MAF: variants seen among roughly 807,000 people sequenced by gnomAD.
MAF encodes the protein MAF bZIP transcription factor, also known as transcription factor Maf.
In MAF, 10 loss-of-function variants were observed where a neutral mutation model predicts 22.0. The observed-to-expected ratio is 0.45, with a 90% CI of 0.28 to 0.77. The LOEUF (loss-of-function observed/expected upper bound fraction) is 0.77. Among genes scored for constraint, MAF ranks in the 30% least tolerant of loss-of-function variants. The pLI is 0.12. For missense variants in MAF, 544 were observed against 548.4 expected (o/e 0.99, Z 0.08); for synonymous variants, 337 against 255.8 (o/e 1.32, Z -3.03).
chr16:79,292,312 T>A, the MAF span, among the ~76,000 whole-genome samples: 1 of 152,154 alleles, frequency 6.6e-6, no homozygotes, highest in South Asian at 2.1e-4. Context: ...CATGTAATGA[T>A]AGAAGCAGAG....
the MAF span, among the ~76,000 whole-genome samples, chr16:79,304,947 G>A: frequency 1.3e-5 from 2 of 152,204 alleles, no homozygotes; most frequent in East Asian, 1.9e-4. Context: ...GGAGTTTCTA[G>A]AACCACCAGC....
the MAF span, among the ~76,000 whole-genome samples, chr16:79,578,959 C>G: frequency 6.6e-6 from 1 of 152,126 alleles, no homozygotes; most frequent in African/African-American, 2.4e-5. Context: ...GGGAGGGACC[C>G]TTCCAGTAAC....
At chr16:79,589,329 G>A (rs143643045), downstream of MAF, among the ~76,000 whole-genome samples, 180 of 152,290 alleles carry the variant, frequency 1.2e-3, no homozygotes, top group Non-Finnish European at 2.1e-3. Context: ...TCCTCATAAA[G>A]TTTGCTTGAC....
At chr16:79,260,963 C>A in the MAF span, among the ~76,000 whole-genome samples, 1 of 152,038 alleles carries the variant, frequency 6.6e-6, no homozygotes, top group South Asian at 2.1e-4. Flanking sequence ...TCAGGCAATA[C>A]CCTGGGGTGT....
the MAF span, among the ~76,000 whole-genome samples, chr16:79,484,924 G>GT: frequency 6.6e-6 from 1 of 152,222 alleles, no homozygotes; most frequent in East Asian, 1.9e-4. Context: ...TTTAGAACCA[G>GT]GCAGATCTGG....
the MAF span, among the ~76,000 whole-genome samples, chr16:79,467,283 G>A: frequency 2.5e-4 from 38 of 152,056 alleles, no homozygotes; most frequent in Non-Finnish European, 4.4e-4. Context: ...GTCTCTCACT[G>A]CCTCAATCAT....
the MAF span, among the ~76,000 whole-genome samples, chr16:79,514,355 T>A: frequency 6.6e-6 from 1 of 152,222 alleles, no homozygotes; most frequent in African/African-American, 2.4e-5. Context: ...GGGAGTGGTT[T>A]ACAGGTATGG....
chr16:79,437,702 C>A, the MAF span, among the ~76,000 whole-genome samples: 3 of 152,124 alleles, frequency 2.0e-5, no homozygotes, highest in Admixed American at 6.5e-5. Flanking sequence ...TTACTCTCTG[C>A]TAGCTTCCAG....
At chr16:79,450,109 TTTC>T in the MAF span, among the ~76,000 whole-genome samples, 1 of 152,220 alleles carries the variant, frequency 6.6e-6, no homozygotes, top group South Asian at 2.1e-4. Context: ...GAGTGTAACT[TTTC>T]ACTTACATCA....
At chr16:79,366,064 T>A in the MAF span, among the ~76,000 whole-genome samples, 4 of 152,328 alleles carry the variant, frequency 2.6e-5, no homozygotes, top group East Asian at 7.7e-4. Context: ...ACCATTTAAG[T>A]TTCTGTTGTA....
the MAF span, among the ~76,000 whole-genome samples, chr16:79,520,390 C>T: frequency 9.2e-5 from 14 of 152,172 alleles, no homozygotes; most frequent in Non-Finnish European, 1.9e-4. Context: ...CTTCTCATCA[C>T]CAGGAGCTGG....
chr16:79,421,043 A>C, the MAF span, among the ~76,000 whole-genome samples: 10 of 152,242 alleles, frequency 6.6e-5, no homozygotes, highest in East Asian at 3.9e-4. Flanking sequence ...AAAAAGAAAA[A>C]AAAAAAAATT....
the MAF span, among the ~76,000 whole-genome samples, chr16:79,287,779 A>T: frequency 6.6e-6 from 1 of 151,974 alleles, no homozygotes; most frequent in Non-Finnish European, 1.5e-5. Flanking sequence ...TCACCCATTC[A>T]TTCACTCACT....
the MAF span, among the ~76,000 whole-genome samples, chr16:79,434,760 G>T: frequency 2.0e-5 from 3 of 152,000 alleles, no homozygotes; most frequent in Non-Finnish European, 2.9e-5. Context: ...AATAGGAAAT[G>T]ATATAAATAT....
chr16:79,593,754 G>T (rs1412685318), downstream of MAF: 1 of 169,048 alleles, frequency 5.9e-6, no homozygotes, highest in East Asian at 1.1e-4. Context: ...CATGCAAGAA[G>T]CCAGGGAAAT....
At chr16:79,221,487 CTA>C in the MAF span, among the ~76,000 whole-genome samples, 1 of 152,160 alleles carries the variant, frequency 6.6e-6, no homozygotes, top group African/African-American at 2.4e-5. Flanking sequence ...ACTCATACAT[CTA>C]TATCTCATGT....
At chr16:79,326,449 G>C in the MAF span, among the ~76,000 whole-genome samples, 14 of 152,144 alleles carry the variant, frequency 9.2e-5, no homozygotes, top group East Asian at 5.8e-4. Flanking sequence ...ATCTAATTTA[G>C]CACAACACCT....
chr16:79,429,127 T>G, the MAF span, among the ~76,000 whole-genome samples: 3 of 152,138 alleles, frequency 2.0e-5, no homozygotes. Flanking sequence ...AAGCTTTGTT[T>G]TGGCACATCC....
At chr16:79,302,985 C>T in the MAF span, among the ~76,000 whole-genome samples, 4 of 152,248 alleles carry the variant, frequency 2.6e-5, no homozygotes, top group Non-Finnish European at 5.9e-5. Context: ...TTTTACTCGG[C>T]ACTCCGGAGT....
Sources: allele counts gnomAD v4.1 joint callset (sites outside exome capture counted in the v4.1 genomes callset), GRCh38; gene constraint gnomAD v4.1.1; transcripts MANE v1.5; gene names NCBI Gene and HGNC (gene_info 2026-07-23, HGNC 2026-07-21).